DCHS1: variants seen among roughly 807,000 people sequenced by gnomAD.
DCHS1 encodes protocadherin-16.
DCHS1 carries 78 observed loss-of-function variants against 213.9 expected under a neutral mutation model. The observed-to-expected ratio is 0.36, with a 90% CI of 0.30 to 0.44. The LOEUF (loss-of-function observed/expected upper bound fraction) is 0.44. DCHS1 is among the 20% of genes least tolerant of loss of function. DCHS1 has a pLI of 1.00. For missense variants in DCHS1, 3,946 were observed against 4,395.9 expected, an observed-to-expected ratio of 0.90 and a Z score of 2.89; for synonymous variants, 1,828 against 1,873.7, an observed-to-expected ratio of 0.98 and a Z score of 0.63.
In DCHS1 at chr11:6,640,017, C is replaced by T. The variant is rs767517834; in HGVS notation, c.1597G>A (p.Ala533Thr). 5.0e-6 allele frequency: 8 copies of T among 1,613,902 alleles called. No homozygotes were observed. The East Asian group carries it at 1.8e-4, about 36-fold the overall frequency. The change falls in exon 2 of 21, where the codon GCT (alanine) becomes ACT (threonine). Residue 533 changes from alanine (A) to threonine (T), a missense_variant. Ala to Thr is a moderately conservative substitution (Grantham distance 58). Around this residue, in one of 3 missense-constraint regions of DCHS1, gnomAD observed 3,384 missense variants for 3,780.1 expected, o/e 0.90. Coordinates refer to ENST00000299441, the MANE Select transcript of DCHS1 (RefSeq NM_003737.4). The surrounding 1 kb of genome is among the most constrained non-coding windows in gnomAD (Gnocchi z 6.5). ...TCCAACTCATAGTCCAGTGAGGCAG[C>T]CGTAGTGATAATGCCTGAGGTGGGG... ...IDPTSGIITT[A>T]ASLDYELEPQ...
chr11:6,626,207 G>A lies in DCHS1; in HGVS notation c.6538C>T (p.Leu2180Phe), dbSNP rs764608916. The A allele has an allele frequency of 3.1e-6, 5 of 1,611,300 alleles. No homozygotes were observed. The South Asian group carries it at 4.4e-5, about 14-fold the overall frequency. Residue 2180 changes from leucine to phenylalanine, a missense_variant, in exon 16 of 21, where the codon CTT becomes TTT. Coordinates refer to ENST00000299441, the MANE Select transcript of DCHS1 (RefSeq NM_003737.4). This position sits in a 1 kb window ranked among gnomAD's most constrained non-coding sequence, Gnocchi z 5.2. ...CCCTCCAAGGGCCGGGACTCAGGAAGGAAGGCCACATAATGGGGCCGCAGG... is the reference window on the plus strand; with the variant it reads ...CCCTCCAAGGGCCGGGACTCAGGAAAGAAGGCCACATAATGGGGCCGCAGG... The part of the protein sequence containing the change: ...RFLRPHYVAF[L>F]PESRPLEGPL...
chr11:6,623,294 T>G lies in DCHS1; in HGVS notation c.8382A>C (p.Ser2794=). 6.3e-7 allele frequency: 1 copy of G among 1,589,314 alleles called. No homozygotes were observed. Among genetic ancestry groups the G allele is most frequent in the Non-Finnish European group, 8.6e-7 (1 of 1,167,722 alleles). The part of the protein sequence containing the change: ...LVGAADAGNL[S]ASVTVSVLVT... ...CTAGCACCGACACAGTGACAGAGGCTGAGAGATTCCCAGCATCAGCAGCAC... is the reference window on the plus strand; with the variant it reads ...CTAGCACCGACACAGTGACAGAGGCGGAGAGATTCCCAGCATCAGCAGCAC... Residue 2794 remains serine, a synonymous_variant, in exon 21 of 21, where the codon TCA becomes TCC. Coordinates refer to ENST00000299441, the MANE Select transcript of DCHS1 (RefSeq NM_003737.4).
In DCHS1 at chr11:6,623,633, G is replaced by A. The variant is rs549044948; in HGVS notation, c.8043C>T (p.Asp2681=). ...CCAAAGCAAAGTGTGCACCAGCAGG[G>A]TCAGCAGCCTGTACTACAAGCTGAT... is the stretch of plus-strand genomic sequence containing the variant. ...ARHQLVVQAA[D]PAGAHFALAP... The change falls in exon 21 of 21, where the codon GAC becomes GAT. Residue 2681 remains aspartate, a synonymous_variant. Coordinates refer to ENST00000299441, the MANE Select transcript of DCHS1 (RefSeq NM_003737.4). The A allele has an allele frequency of 1.1e-4, 177 of 1,613,814 alleles. 2 individuals carry two copies. The South Asian group carries it at 1.5e-3, about 14-fold the overall frequency.
rs544945501 is a variant in DCHS1 at position 6,641,961 on chromosome 11, C to T, written c.-120-228G>A. ...TTCCTACCCTCAGCAGATTTTTATG[C>T]ATCCTATTTTTTCGGGTCTGAATGC... On this transcript the variant is annotated intron_variant, in intron 1 of 20. Transcript: ENST00000299441. This position sits in a 1 kb window ranked among gnomAD's most constrained non-coding sequence, Gnocchi z 7.1. Among the ~76,000 whole-genome samples, 8 of 152,320 alleles carry T rather than the reference C, an allele frequency of 5.3e-5. No individual in the cohort carries two copies. Among genetic ancestry groups the T allele is most frequent in the Admixed American group, 5.2e-4 (8 of 15,290 alleles).
In DCHS1 at chr11:6,622,183, A is replaced by G; in HGVS notation, c.9493T>C (p.Tyr3165His). 2 of 1,608,806 alleles carry G rather than the reference A, an allele frequency of 1.2e-6. No individual in the cohort carries two copies. Among genetic ancestry groups the G allele is most frequent in the Non-Finnish European group, 1.7e-6 (2 of 1,178,730 alleles). ...EELRGSYNWD[Y>H]LLSWCPQFQP... ...AACTGAGGGCACCAGCTCAGCAGGT[A>G]GTCCCAGTTATAGCTGCCACGGAGC... The change falls in exon 21 of 21, where the codon TAC becomes CAC. Residue 3165 changes from tyrosine (Y) to histidine (H), a missense_variant. Tyr to His is a moderately conservative substitution (Grantham distance 83). Transcript: ENST00000299441. This position sits in a 1 kb window ranked among gnomAD's most constrained non-coding sequence, Gnocchi z 5.4.
Position 6,630,411 on chromosome 11 carries a change from C to T in DCHS1, c.4383G>A (p.Ser1461=), listed in dbSNP as rs1207716826. ...TATTGGGGCCGGGGCCGTCGGCGTCCGACGCGCGGAAAGTGTACAGCGCTG... is the reference window on the plus strand; with the variant it reads ...TATTGGGGCCGGGGCCGTCGGCGTCTGACGCGCGGAAAGTGTACAGCGCTG... ...PGAALYTFRA[S]DADGPGPNSD... The change falls in exon 10 of 21, where the codon TCG becomes TCA. Residue 1461 remains serine, a synonymous_variant. Coordinates refer to ENST00000299441, the MANE Select transcript of DCHS1 (RefSeq NM_003737.4). 3.5e-6 allele frequency: 5 copies of T among 1,434,906 alleles called. No homozygotes were observed. The highest frequency in any genetic ancestry group is 4.5e-6 in the Non-Finnish European group (5 of 1,099,560). The allele number at this position is 1,434,906 out of a possible 1,614,324, so 88.9% of individuals were successfully genotyped here.
Position 6,641,774 on chromosome 11 carries a change from G to A in DCHS1, c.-120-41C>T. 1 of 1,415,946 alleles carries A rather than the reference G, an allele frequency of 7.1e-7. No homozygotes were observed. The highest frequency in any genetic ancestry group is 9.2e-7 in the Non-Finnish European group (1 of 1,083,408). 87.7% of individuals were successfully genotyped at this position (1,415,946 alleles called of 1,614,324 possible). ...AGGAAACGGGTCATGACAGAGGAGGGATCAGCAGTCCAGATAACCTGGACG... is the reference window on the plus strand; with the variant it reads ...AGGAAACGGGTCATGACAGAGGAGGAATCAGCAGTCCAGATAACCTGGACG... On this transcript the variant is annotated intron_variant, in intron 1 of 20. Transcript: ENST00000299441. The surrounding 1 kb of genome is among the most constrained non-coding windows in gnomAD (Gnocchi z 7.1).
At position 6,626,408 on chromosome 11, in the gene DCHS1, A is replaced by AGCCC; in HGVS notation, c.6365-32_6365-29dup. 1 of 1,609,840 alleles carries AGCCC rather than the reference A, an allele frequency of 6.2e-7. No individual in the cohort carries two copies. On this transcript the variant is annotated intron_variant, in intron 15 of 20. Coordinates refer to ENST00000299441, the MANE Select transcript of DCHS1 (RefSeq NM_003737.4). This position sits in a 1 kb window ranked among gnomAD's most constrained non-coding sequence, Gnocchi z 5.2. The stretch of plus-strand genomic sequence containing the variant: ...GGGCGAGATAGAATGCATCAGTGAT[A>AGCCC]GCCCCCTTTGCTTGCCCTGGAGCCT...
chr11:6,627,708 T>C lies in DCHS1; in HGVS notation c.5372-41A>G. ...TGCACATATAAATATACATGTGTCGTGGGGATGGGGGTGATTTACAGACAA... is the reference window on the plus strand; with the variant it reads ...TGCACATATAAATATACATGTGTCGCGGGGATGGGGGTGATTTACAGACAA... On this transcript the variant is annotated intron_variant, in intron 13 of 20. Transcript: ENST00000299441. This position sits in a 1 kb window ranked among gnomAD's most constrained non-coding sequence, Gnocchi z 5.4. 1 of 1,577,626 alleles carries C rather than the reference T, an allele frequency of 6.3e-7. No homozygotes were observed. Among genetic ancestry groups the C allele is most frequent in the Non-Finnish European group, 8.6e-7 (1 of 1,157,848 alleles).
intron 1 of DCHS1, among the ~76,000 whole-genome samples, chr11:6,652,327 T>G (rs1856256082): frequency 6.6e-6 from 1 of 152,108 alleles, no homozygotes; most frequent in Admixed American, 6.5e-5. Context: ...AGAAGAGATG[T>G]TACTTTCTCC....
At position 6,639,872 on chromosome 11, in the gene DCHS1, G is replaced by T; in HGVS notation, c.1742C>A (p.Thr581Asn). ...CTCAGGCAGTGAGGCATTGTAGAAA[G>T]TCCTCTGGAATTGGGGCTCATTATC... ...VNDNEPQFQR[T>N]FYNASLPEGT... The change falls in exon 2 of 21, where the codon ACT becomes AAT. Residue 581 changes from threonine to asparagine, a missense_variant. By Grantham distance (65) the Thr-to-Asn change is moderately conservative. Coordinates refer to ENST00000299441, the MANE Select transcript of DCHS1 (RefSeq NM_003737.4). The T allele has an allele frequency of 6.2e-7, 1 of 1,613,414 alleles. No homozygotes were observed. The highest frequency in any genetic ancestry group is 1.1e-5 in the South Asian group (1 of 90,986).
Position 6,630,780 on chromosome 11 carries a change from C to G in DCHS1, c.4014G>C (p.Thr1338=). The G allele has an allele frequency of 6.5e-7, 1 of 1,547,560 alleles. No homozygotes were observed. Among genetic ancestry groups the G allele is most frequent in the South Asian group, 1.2e-5 (1 of 83,932 alleles). Residue 1338 remains threonine, a synonymous_variant, in exon 10 of 21, where the codon ACG becomes ACC. Coordinates refer to ENST00000299441, the MANE Select transcript of DCHS1 (RefSeq NM_003737.4). ...DPAAPVPVVL[T]VTAAEGLRPG... is the part of the protein sequence containing the mutation. ...GCCGCAGTCCCTCAGCTGCTGTCAC[C>G]GTCAGCACGACAGGCACTGGTGCCG...
At chr11:6,636,096 C>T (rs919819870) in intron 2 of DCHS1, among the ~76,000 whole-genome samples, 6 of 152,236 alleles carry the variant, frequency 3.9e-5, no homozygotes, top group Non-Finnish European at 4.4e-5. Flanking sequence ...AAAAGAAAGA[C>T]ACTTATCTGT....
rs750219656 is a variant in DCHS1 at position 6,625,565 on chromosome 11, C to G, written c.6862+32G>C. 2 of 1,613,388 alleles carry G rather than the reference C, an allele frequency of 1.2e-6. No individual in the cohort carries two copies. On this transcript the variant is annotated intron_variant, in intron 18 of 20. Transcript: ENST00000299441. The surrounding 1 kb of genome is among the most constrained non-coding windows in gnomAD (Gnocchi z 5.3). Reference sequence around the variant, plus strand: ...GGTGGAGAAAAATGTCTCTCTGCCACCCTTTATGCCACCCACTTTACCCAG... The same window carrying G: ...GGTGGAGAAAAATGTCTCTCTGCCAGCCTTTATGCCACCCACTTTACCCAG...
At position 6,624,116 on chromosome 11, in the gene DCHS1, G is replaced by A. The variant is rs1303336429; in HGVS notation, c.7560C>T (p.Tyr2520=). 1 of 1,611,640 alleles carries A rather than the reference G, an allele frequency of 6.2e-7. No individual in the cohort carries two copies. Among genetic ancestry groups the A allele is most frequent in the Admixed American group, 1.7e-5 (1 of 59,556 alleles). Residue 2520 remains tyrosine (Y), a synonymous_variant, in exon 21 of 21, where the codon TAC becomes TAT. Coordinates refer to ENST00000299441, the MANE Select transcript of DCHS1 (RefSeq NM_003737.4). ...GGCCCCAGTTGCCACTGATGATGCT[G>A]TAGTCCACAGCGGCATGGCTGCGGC... ...DGSRSHAAVD[Y]SIISGNWGRV... is the part of the protein sequence containing the mutation.
chr11:6,642,042 A>G (rs1401791187), intron 1 of DCHS1, among the ~76,000 whole-genome samples: 1 of 151,800 alleles, frequency 6.6e-6, no homozygotes, highest in African/African-American at 2.4e-5. Context: ...TTCTTTTCTC[A>G]TTTTCTTCTC....
chr11:6,638,668 C>A (rs1856021066), intron 2 of DCHS1, among the ~76,000 whole-genome samples: 1 of 152,202 alleles, frequency 6.6e-6, no homozygotes, highest in Non-Finnish European at 1.5e-5. Context: ...TGATGTGTCT[C>A]CCTATCTAGA....
At position 6,623,117 on chromosome 11, in the gene DCHS1, G is replaced by A. The variant is rs915339334; in HGVS notation, c.8559C>T (p.Ala2853=). The change falls in exon 21 of 21, where the codon GCC becomes GCT. Residue 2853 remains alanine (A), a synonymous_variant. Coordinates refer to ENST00000299441, the MANE Select transcript of DCHS1 (RefSeq NM_003737.4). The part of the protein sequence containing the change: ...GADGLVLYSL[A]TSSPYFGINQ... ...TAATACCAAAATAGGGGGAAGAGGT[G>A]GCAAGGGAATACAGAACCAGGCCAT... The A allele has an allele frequency of 1.2e-6, 2 of 1,606,716 alleles. No individual in the cohort carries two copies. The highest frequency in any genetic ancestry group is 3.4e-5 in the Admixed American group (2 of 59,278).
Position 6,624,219 on chromosome 11 carries a change from T to A in DCHS1, c.7457A>T (p.His2486Leu), listed in dbSNP as rs574217610. The A allele has an allele frequency of 6.2e-7, 1 of 1,613,306 alleles. No homozygotes were observed. The highest frequency in any genetic ancestry group is 1.7e-5 in the Admixed American group (1 of 59,940). Residue 2486 changes from histidine to leucine, a missense_variant, in exon 21 of 21, where the codon CAC (histidine) becomes CTC (leucine). His to Leu is a moderately conservative substitution (Grantham distance 99, BLOSUM62 -3). Around this residue, in one of 3 missense-constraint regions of DCHS1, gnomAD observed 3,384 missense variants for 3,780.1 expected, o/e 0.90. Transcript: ENST00000299441. The stretch of plus-strand genomic sequence containing the variant: ...GTCTTCAGTCACAGCCACACGGTAG[T>A]GTGACAATGTGAAGCTCGGGGCGTG... ...NDHAPSFTLS[H>L]YRVAVTEDLP...
Sources: gnomAD v4.1 joint callset for allele counts (sites outside exome capture counted in the v4.1 genomes callset) on GRCh38, gnomAD v4.1.1 for gene constraint, gnomAD v4.1.1 regional missense constraint, Gnocchi (gnomAD v3.1) non-coding constraint, MANE v1.5 for transcripts, NCBI Gene and HGNC (gene_info 2026-07-23, HGNC 2026-07-21) for gene names.